The following DPH6 variants were observed in gnomAD, a reference collection of about 807,000 sequenced individuals.
DPH6 encodes diphthine--ammonia ligase.
DPH6 carries 33 observed loss-of-function variants against 38.2 expected under a neutral mutation model. The observed-to-expected ratio is 0.86, with a 90% confidence interval of 0.65 to 1.15. DPH6 has a LOEUF of 1.15. Ranked by LOEUF, DPH6 falls within the 50% of genes most tolerant of loss-of-function variation. The pLI is 0.00. For synonymous variants in DPH6, 108 were observed against 103.0 expected (o/e 1.05, Z -0.30); for missense variants, 325 against 320.0 (o/e 1.02, Z -0.12).
the DPH6 span, among the ~76,000 whole-genome samples, chr15:35,149,863 T>C: frequency 7.2e-5 from 11 of 152,348 alleles, no homozygotes; most frequent in African/African-American, 2.4e-4. Flanking sequence ...CAGGCTATGA[T>C]TGCACTAGAG....
chr15:35,302,041 T>C (rs1028879128), intron 3 of DPH6, among the ~76,000 whole-genome samples: 1 of 152,098 alleles, frequency 6.6e-6, no homozygotes, highest in Admixed American at 6.6e-5. Context: ...AGTCAATACA[T>C]AAAATACATA....
At chr15:35,301,466 T>G (rs1275743152) in intron 3 of DPH6, among the ~76,000 whole-genome samples, 1 of 152,204 alleles carries the variant, frequency 6.6e-6, no homozygotes, top group African/African-American at 2.4e-5. Context: ...TTTCTCCTCT[T>G]TGTTTTTCAT....
intron 3 of DPH6, among the ~76,000 whole-genome samples, chr15:35,516,997 A>G (rs1246466644): frequency 6.6e-6 from 1 of 152,162 alleles, no homozygotes; most frequent in Non-Finnish European, 1.5e-5. Flanking sequence ...CAAGACTCAC[A>G]TGAAAAAATA....
At chr15:35,367,907 G>A (rs1428835217), downstream of DPH6, among the ~76,000 whole-genome samples, 1 of 151,524 alleles carries the variant, frequency 6.6e-6, no homozygotes, top group African/African-American at 2.4e-5. Context: ...ATGTGAAATG[G>A]AGACACACCT....
At chr15:35,179,416 T>C in the DPH6 span, among the ~76,000 whole-genome samples, 1 of 151,928 alleles carries the variant, frequency 6.6e-6, no homozygotes, top group Admixed American at 6.6e-5. Flanking sequence ...TTGTTAATAA[T>C]GAAAATATCC....
In DPH6 at chr15:35,343,752, G is replaced by T. The variant is rs140349030; in HGVS notation, n.208-12675C>A. Among the ~76,000 whole-genome samples, 99 of 152,040 alleles carry T rather than the reference G, an allele frequency of 6.5e-4. 1 individual carries two copies. Among genetic ancestry groups the T allele is most frequent in the African/African-American group, 2.2e-3 (93 of 41,528 alleles). On this transcript the variant is annotated intron_variant and non_coding_transcript_variant, in intron 3 of 3. Coordinates refer to the DPH6 transcript ENST00000558973. Reference sequence around the variant, plus strand: ...ACTGTACTGTTAGCAGTCAATAAGAGAAAAATAATCTCTCATTAACTTTAT... The same window carrying T: ...ACTGTACTGTTAGCAGTCAATAAGATAAAAATAATCTCTCATTAACTTTAT...
At chr15:35,440,611 C>T (rs146319555) in intron 5 of DPH6, among the ~76,000 whole-genome samples, 33 of 152,246 alleles carry the variant, frequency 2.2e-4, no homozygotes, top group Non-Finnish European at 4.0e-4. Flanking sequence ...ATCCTAATGG[C>T]AGTTATATGT....
At chr15:35,255,723 T>C (rs1420076995) in intron 3 of DPH6, among the ~76,000 whole-genome samples, 1 of 152,170 alleles carries the variant, frequency 6.6e-6, no homozygotes, top group Non-Finnish European at 1.5e-5. Context: ...TGAAATTTTT[T>C]TTGACTTTGC....
At chr15:35,385,729 A>G (rs1242867220) in intron 6 of DPH6, among the ~76,000 whole-genome samples, 1 of 152,174 alleles carries the variant, frequency 6.6e-6, no homozygotes, top group Admixed American at 6.5e-5. Flanking sequence ...AAACCTGCAC[A>G]TTCTGCACAT....
At chr15:35,195,867 T>A in the DPH6 span, among the ~76,000 whole-genome samples, 15 of 152,080 alleles carry the variant, frequency 9.9e-5, no homozygotes, top group African/African-American at 3.6e-4. Flanking sequence ...CACCTACTGG[T>A]TGATCCTTGT....
At chr15:35,224,763 C>T (rs746677595) in intron 3 of DPH6, among the ~76,000 whole-genome samples, 1 of 152,088 alleles carries the variant, frequency 6.6e-6, no homozygotes, top group Non-Finnish European at 1.5e-5. Flanking sequence ...TTTTGCTGTT[C>T]TAATAGGTGT....
chr15:35,206,435 G>C, the DPH6 span, among the ~76,000 whole-genome samples: 3 of 152,124 alleles, frequency 2.0e-5, no homozygotes, highest in African/African-American at 7.2e-5. Context: ...AATGTAAAGA[G>C]ACCTAAGACT....
At chr15:35,495,483 T>C (rs2054537101) in intron 3 of DPH6, among the ~76,000 whole-genome samples, 1 of 152,128 alleles carries the variant, frequency 6.6e-6, no homozygotes, top group African/African-American at 2.4e-5. Flanking sequence ...CCCTAGCAAA[T>C]AATACATACC....
chr15:35,281,361 A>G (rs1188399154), intron 3 of DPH6, among the ~76,000 whole-genome samples: 2 of 152,198 alleles, frequency 1.3e-5, no homozygotes, highest in Non-Finnish European at 2.9e-5. Context: ...AAAATTAAAG[A>G]CCCAAGAGAA....
At chr15:35,511,847 A>G (rs1312394449) in intron 3 of DPH6, among the ~76,000 whole-genome samples, 1 of 152,196 alleles carries the variant, frequency 6.6e-6, no homozygotes, top group Non-Finnish European at 1.5e-5. Flanking sequence ...ATTATTTTGC[A>G]AAGTCTAAAT....
chr15:35,362,943 A>G (rs1270847610), intron 3 of DPH6, among the ~76,000 whole-genome samples: 1 of 152,130 alleles, frequency 6.6e-6, no homozygotes, highest in Admixed American at 6.5e-5. Flanking sequence ...TCTTACTAGT[A>G]TATTTCTTTC....
chr15:35,546,086 A>C (rs2141583950), intron 1 of DPH6, 33 bp downstream of exon 1: 1 of 1,375,934 alleles, frequency 7.3e-7, no homozygotes, highest in Non-Finnish European at 9.5e-7. Flanking sequence ...AGCCTGGCCT[A>C]GGAGGAAGGA....
At chr15:35,200,474 A>C in the DPH6 span, among the ~76,000 whole-genome samples, 1 of 152,162 alleles carries the variant, frequency 6.6e-6, no homozygotes. Flanking sequence ...ATTTGAAAGA[A>C]TAATTTCATC....
At chr15:35,436,398 G>A (rs983737248) in intron 5 of DPH6, among the ~76,000 whole-genome samples, 16 of 151,538 alleles carry the variant, frequency 1.1e-4, no homozygotes, top group Admixed American at 3.3e-4. Context: ...CCAGGGAGGC[G>A]GAGCTTGCAA....
Sources: allele counts gnomAD v4.1 joint callset (sites outside exome capture counted in the v4.1 genomes callset), GRCh38; gene constraint gnomAD v4.1.1; transcripts MANE v1.5; gene names NCBI Gene and HGNC (gene_info 2026-07-23, HGNC 2026-07-21).